The following AXIN2 variants were observed in gnomAD, a reference collection of about 807,000 sequenced individuals.
AXIN2 encodes axin-2.
A neutral mutation model predicts 74.7 loss-of-function variants in AXIN2; 21 were observed. The ratio of observed to expected loss-of-function variants is 0.28; its 90% confidence interval spans 0.20 to 0.40. The LOEUF (loss-of-function observed/expected upper bound fraction) is 0.40, where lower values mean the gene tolerates loss of function less well. Ranked by LOEUF, AXIN2 falls within the 10% of genes least tolerant of loss-of-function variation. The pLI is 1.00. For synonymous variants in AXIN2, 532 were observed against 454.9 expected (o/e 1.17, Z -2.16); for missense variants, 1,144 against 1,111.1 (o/e 1.03, Z -0.42).
chr17:65,550,303 C>A (rs1432573864), intron 2 of AXIN2, among the ~76,000 whole-genome samples: 1 of 152,188 alleles, frequency 6.6e-6, no homozygotes, highest in Non-Finnish European at 1.5e-5. Flanking sequence ...CTTCCCCCAA[C>A]CCCCAGCTTC....
At chr17:65,536,267 C>A in intron 8 of AXIN2, 53 bp downstream of exon 8, 1 of 1,535,434 alleles carries the variant, frequency 6.5e-7, no homozygotes, top group South Asian at 1.2e-5. Flanking sequence ...CAGACCAGGT[C>A]TCCACCCAAA....
intron 10 of AXIN2, among the ~76,000 whole-genome samples, chr17:65,530,615 A>C (rs1331529353): frequency 6.6e-6 from 1 of 152,214 alleles, no homozygotes; most frequent in East Asian, 1.9e-4. Flanking sequence ...ATGGTTTAGC[A>C]GTCCAAAGGC....
intron 2 of AXIN2, among the ~76,000 whole-genome samples, chr17:65,557,208 G>A (rs567536529): frequency 6.6e-6 from 1 of 152,272 alleles, no homozygotes; most frequent in South Asian, 2.1e-4. Flanking sequence ...CTTCATTTGG[G>A]AAAGTCACAG....
chr17:65,536,641 ATT>A (rs2043925504), intron 7 of AXIN2, 88 bp from the exon 8 acceptor site: 2 of 1,490,744 alleles, frequency 1.3e-6, no homozygotes, highest in Non-Finnish European at 1.9e-6. Context: ...AAACTTGTCT[ATT>A]CTGCTCAGAG....
intron 4 of AXIN2, among the ~76,000 whole-genome samples, 178 bp from the exon 5 acceptor site, chr17:65,538,521 G>A (rs1037542566): frequency 2.6e-5 from 4 of 152,008 alleles, no homozygotes; most frequent in Non-Finnish European, 5.9e-5. Context: ...ATGGCCTCAT[G>A]GAGAGCCATG....
At chr17:65,538,098 ACCCACGCACATGCGCACACCCTAACGCAC>A in intron 5 of AXIN2, 76 bp downstream of exon 5, 2 of 1,565,728 alleles carry the variant, frequency 1.3e-6, no homozygotes, top group Non-Finnish European at 1.7e-6. Flanking sequence ...TGCGCATGCA[ACCCACGCACATGCGCACACCCTAACGCAC>A]CCCATGCACA....
In AXIN2 at chr17:65,537,324, C is replaced by T. The variant is rs146744662; in HGVS notation, c.1712G>A (p.Gly571Asp). ...ACACTGCGGTCCGCCCGGCACTTAC[C>T]CAAACTGCTCGCTGGGCATGGTTTC... is the stretch of plus-strand genomic sequence containing the variant. ...APETMPSEQFGGSRGSTLPKR... is the reference protein window; with the variant it reads ...APETMPSEQFDGSRGSTLPKR... The change falls in exon 6 of 11, where the codon GGC becomes GAC. Residue 571 changes from glycine (G) to aspartate (D), a missense_variant and splice_region_variant. Around this residue, in one of 4 missense-constraint regions of AXIN2, gnomAD observed 1,053 missense variants for 973.5 expected, o/e 1.08. Coordinates refer to ENST00000307078, the MANE Select transcript of AXIN2 (RefSeq NM_004655.4). The T allele has an allele frequency of 2.2e-5, 35 of 1,613,938 alleles. No homozygotes were observed. The African/African-American group carries it at 4.5e-4, about 21-fold the overall frequency.
At chr17:65,536,724 G>A in intron 7 of AXIN2, 145 bp downstream of exon 7, 1 of 1,429,160 alleles carries the variant, frequency 7.0e-7, no homozygotes, top group South Asian at 1.2e-5. Context: ...TTTGTGGTCT[G>A]CTCAGTCCAA....
chr17:65,532,390 A>T (rs1446639204), intron 10 of AXIN2, among the ~76,000 whole-genome samples: 1 of 152,184 alleles, frequency 6.6e-6, no homozygotes, highest in Non-Finnish European at 1.5e-5. Context: ...CACTTGTGTC[A>T]TTAGTTTCAC....
intron 3 of AXIN2, among the ~76,000 whole-genome samples, chr17:65,547,328 T>A (rs1418450244): frequency 6.6e-6 from 1 of 152,198 alleles, no homozygotes; most frequent in Non-Finnish European, 1.5e-5. Flanking sequence ...ACAGATCTCA[T>A]GTTGAGAACG....
In AXIN2 at chr17:65,536,678, T is replaced by C. The variant is rs1001349148; in HGVS notation, c.1908-125A>G. 6 of 1,386,914 alleles carry C rather than the reference T, an allele frequency of 4.3e-6. No homozygotes were observed. The African/African-American group carries it at 5.8e-5, about 13-fold the overall frequency. The allele number at this position is 1,386,914 out of a possible 1,614,324, so 85.9% of individuals were successfully genotyped here. A position where few individuals can be genotyped will look rare whatever the true frequency, so the allele number is the denominator to read the frequency against. On this transcript the variant is annotated intron_variant, in intron 7 of 10. Transcript: ENST00000307078. ...GAGAGAGTTAAAAAAAAAACTACCA[T>C]AACATGAACAGGGGTCAGTGCCAAA...
At position 65,538,667 on chromosome 17, in the gene AXIN2, CAAAAAAAAAAAAAAAAAAAAAAAAAA is replaced by C. The variant is rs775428814; in HGVS notation, c.1060-350_1060-325del. ...ATCTTCAAAGACTGTTGTCAACCATCAAAAAAAAAAAAAAAAAAAAAAAAAAAAAAAAAAAAAAGGCAGCCCTCTGA... is the reference window on the plus strand; with the variant it reads ...ATCTTCAAAGACTGTTGTCAACCATCAAAAAAAAAAAAGGCAGCCCTCTGA... On this transcript the variant is annotated intron_variant, in intron 4 of 10. Coordinates refer to ENST00000307078, the MANE Select transcript of AXIN2 (RefSeq NM_004655.4). 2.2e-4 allele frequency among the ~76,000 whole-genome samples: 8 copies of C among 35,828 alleles called. No individual in the cohort carries two copies. In the East Asian group the frequency reaches 4.2e-3, roughly 19 times the overall value. 23.5% of individuals were successfully genotyped at this position (35,828 alleles called of 152,430 possible).
At position 65,536,542 on chromosome 17, in the gene AXIN2, G is replaced by A. The variant is rs1332790715; in HGVS notation, c.1919C>T (p.Thr640Ile). ...SKPKPHSAQS[T>I]KKAYPLESAR... ...AGACTCCAAGGGGTAGGCCTTTTTT[G>A]TGCTTTGGGCACTAAACAAGGAATG... is the stretch of plus-strand genomic sequence containing the variant. Residue 640 changes from threonine (T) to isoleucine (I), a missense_variant, in exon 8 of 11, where the codon ACA becomes ATA. Coordinates refer to ENST00000307078, the MANE Select transcript of AXIN2 (RefSeq NM_004655.4). 4 of 1,613,674 alleles carry A rather than the reference G, an allele frequency of 2.5e-6. No individual in the cohort carries two copies. Among genetic ancestry groups the A allele is most frequent in the Non-Finnish European group, 2.5e-6 (3 of 1,179,978 alleles).
intron 10 of AXIN2, among the ~76,000 whole-genome samples, chr17:65,530,303 G>C (rs2043795624): frequency 6.6e-6 from 1 of 152,196 alleles, no homozygotes; most frequent in African/African-American, 2.4e-5. Flanking sequence ...AGATGATGAA[G>C]GCCAGGCACC....
chr17:65,540,129 C>G (rs2044018655), intron 4 of AXIN2, among the ~76,000 whole-genome samples: 1 of 152,196 alleles, frequency 6.6e-6, no homozygotes, highest in Non-Finnish European at 1.5e-5. Flanking sequence ...CTTCAGGAGC[C>G]AGGAGGAGAA....
intron 5 of AXIN2, 87 bp from the exon 6 acceptor site, chr17:65,537,922 A>G: frequency 1.4e-6 from 2 of 1,466,282 alleles, no homozygotes; most frequent in South Asian, 2.7e-5. Context: ...CTCCCTACGC[A>G]GGAGCACGCA....
intron 4 of AXIN2, among the ~76,000 whole-genome samples, chr17:65,539,707 G>T (rs2044012944): frequency 6.6e-6 from 1 of 152,184 alleles, no homozygotes; most frequent in Non-Finnish European, 1.5e-5. Flanking sequence ...ATGCAACATG[G>T]GTTTAGCAAT....
In AXIN2 at chr17:65,537,648, C is replaced by T. The variant is rs1060502150; in HGVS notation, c.1388G>A (p.Arg463His). 2 of 1,575,604 alleles carry T rather than the reference C, an allele frequency of 1.3e-6. No individual in the cohort carries two copies. The highest frequency in any genetic ancestry group is 2.3e-5 in the East Asian group (1 of 43,428). The part of the protein sequence containing the change: ...QSPGVGRYSP[R>H]SRSPDHHHHH... ...GTGGTGGTGGTCCGGGGAGCGGGAG[C>T]GGGGGCTATAGCGGCCTACGCCTGG... The change falls in exon 6 of 11, where the codon CGC (arginine) becomes CAC (histidine). Residue 463 changes from arginine to histidine, a missense_variant. Physicochemically the swap from Arg to His is conservative, Grantham distance 29 (BLOSUM62 0). Around this residue, in one of 4 missense-constraint regions of AXIN2, gnomAD observed 1,053 missense variants for 973.5 expected, o/e 1.08. Transcript: ENST00000307078.
At position 65,537,820 on chromosome 17, in the gene AXIN2, C is replaced by T; in HGVS notation, c.1216G>A (p.Gly406Ser). ...CGCGAATTGAGTGTGAGCTCGGAGC[C>T]CTCTCTCTCTTCATCCTGAAAGGGA... ...QQIREDEERE[G>S]SELTLNSREG... is the part of the protein sequence containing the mutation. Residue 406 changes from glycine (G) to serine (S), a missense_variant, in exon 6 of 11, where the codon GGC (glycine) becomes AGC (serine). Gly to Ser is a moderately conservative substitution (Grantham distance 56). Coordinates refer to ENST00000307078, the MANE Select transcript of AXIN2 (RefSeq NM_004655.4). 2.6e-6 allele frequency: 4 copies of T among 1,566,636 alleles called. No individual in the cohort carries two copies. Among genetic ancestry groups the T allele is most frequent in the Non-Finnish European group, 3.5e-6 (4 of 1,156,440 alleles).
Sources: gnomAD v4.1 joint callset for allele counts (sites outside exome capture counted in the v4.1 genomes callset) on GRCh38, gnomAD v4.1.1 for gene constraint, gnomAD v4.1.1 regional missense constraint, MANE v1.5 for transcripts, NCBI Gene and HGNC (gene_info 2026-07-23, HGNC 2026-07-21) for gene names.